CACHD1: variants seen among roughly 807,000 people sequenced by gnomAD.
CACHD1 encodes VWFA and cache domain-containing protein 1.
Under a neutral mutation model 138.7 loss-of-function variants are expected in CACHD1, and 71 were observed. The ratio of observed to expected loss-of-function variants is 0.51; its 90% CI spans 0.42 to 0.62. The LOEUF is 0.62. Among genes scored for constraint, CACHD1 ranks in the 20% least tolerant of loss-of-function variants. The pLI is 0.00. For missense variants in CACHD1, 1,389 were observed against 1,625.3 expected (o/e 0.85, Z 2.50); for synonymous variants, 578 against 591.5 (o/e 0.98, Z 0.33).
At chr1:64,471,539 G>C (rs1646144582) in intron 1 of CACHD1, among the ~76,000 whole-genome samples, 1 of 151,756 alleles carries the variant, frequency 6.6e-6, no homozygotes, top group Non-Finnish European at 1.5e-5. Context: ...TGGGCTCCGC[G>C]CTCCTTTCCC....
At chr1:64,499,071 G>A (rs190534058) in intron 1 of CACHD1, among the ~76,000 whole-genome samples, 18 of 152,224 alleles carry the variant, frequency 1.2e-4, no homozygotes, top group Admixed American at 7.9e-4. Flanking sequence ...CTGATACAGC[G>A]GCTCCAGCAT....
At chr1:64,611,955 C>T (rs752840607) in intron 4 of CACHD1, among the ~76,000 whole-genome samples, 7 of 152,134 alleles carry the variant, frequency 4.6e-5, no homozygotes, top group African/African-American at 9.7e-5. Context: ...ATGGAGGCCT[C>T]GGGAAACTTG....
chr1:64,588,526 G>A (rs759315444), intron 3 of CACHD1, among the ~76,000 whole-genome samples: 2 of 151,578 alleles, frequency 1.3e-5, no homozygotes, highest in Non-Finnish European at 2.9e-5. Context: ...GATTACAGGT[G>A]CGCCACCACG....
At chr1:64,634,667 G>T (rs1229531773) in intron 7 of CACHD1, among the ~76,000 whole-genome samples, 1 of 152,064 alleles carries the variant, frequency 6.6e-6, no homozygotes, top group Non-Finnish European at 1.5e-5. Flanking sequence ...TTACAAGCAT[G>T]AGTCACCGCG....
At chr1:64,681,384 C>A (rs776518499) in intron 25 of CACHD1, 49 bp downstream of exon 25, 1 of 1,395,662 alleles carries the variant, frequency 7.2e-7, no homozygotes, top group Non-Finnish European at 1.0e-6. Context: ...GGAGGCTAAT[C>A]CAGAATAAAT....
At chr1:64,540,556 A>T (rs544568682) in intron 1 of CACHD1, among the ~76,000 whole-genome samples, 2 of 152,296 alleles carry the variant, frequency 1.3e-5, no homozygotes, top group East Asian at 3.9e-4. Context: ...ACAACAACAA[A>T]AACTCAGTAA....
At position 64,644,598 on chromosome 1, in the gene CACHD1, G is replaced by A. The variant is rs774510439; in HGVS notation, c.1156+2629G>A. On this transcript the variant is annotated intron_variant, in intron 8 of 26. Coordinates refer to ENST00000651257, the MANE Select transcript of CACHD1 (RefSeq NM_020925.4). ...GTAATTCCGTACTTTAGAGTCTCTA[G>A]TTACTTCCATCTCAGCATCTTTTTC... Among the ~76,000 whole-genome samples, 3 of 152,182 alleles carry A rather than the reference G, an allele frequency of 2.0e-5. No individual in the cohort carries two copies. The South Asian group carries it at 6.2e-4, about 32-fold the overall frequency.
intron 4 of CACHD1, among the ~76,000 whole-genome samples, chr1:64,619,503 A>T (rs1447430041): frequency 6.6e-6 from 1 of 152,144 alleles, no homozygotes; most frequent in Non-Finnish European, 1.5e-5. Flanking sequence ...GCATTTTATG[A>T]TATTACTTTG....
chr1:64,473,491 A>T (rs1352094559), intron 1 of CACHD1, among the ~76,000 whole-genome samples: 1 of 151,968 alleles, frequency 6.6e-6, no homozygotes, highest in East Asian at 1.9e-4. Flanking sequence ...GATGGATTTT[A>T]TAGAGGTGGA....
At chr1:64,629,560 C>A in intron 5 of CACHD1, 79 bp downstream of exon 5, 1 of 1,494,806 alleles carries the variant, frequency 6.7e-7, no homozygotes, top group South Asian at 1.3e-5. Context: ...CTCATTTCTA[C>A]TCATGGCTAT....
chr1:64,565,138 T>C lies in CACHD1; in HGVS notation c.261+14482T>C, dbSNP rs564134523. ...TTACCTACTGAAGTATTTTAAAGGC[T>C]CAGACTTGTCCAGGCTGCAGGAATC... On this transcript the variant is annotated intron_variant, in intron 2 of 26. Transcript: ENST00000651257. 2.2e-4 allele frequency among the ~76,000 whole-genome samples: 33 copies of C among 151,204 alleles called. No individual in the cohort carries two copies. In the South Asian group the frequency reaches 3.6e-3, roughly 16 times the overall value.
chr1:64,642,856 A>T (rs10789162), intron 8 of CACHD1, among the ~76,000 whole-genome samples: 147,208 of 150,008 alleles, frequency 0.98, 72,311 homozygotes, highest in East Asian at 1. Context: ...CTGGCCAACA[A>T]TGTGAAACCT....
chr1:64,596,439 G>T (rs1250899694), intron 3 of CACHD1, among the ~76,000 whole-genome samples: 2 of 152,210 alleles, frequency 1.3e-5, no homozygotes, highest in African/African-American at 2.4e-5. Context: ...GACCCTGTTA[G>T]GCTGTTACTA....
intron 1 of CACHD1, among the ~76,000 whole-genome samples, chr1:64,526,244 CAG>C (rs1646537571): frequency 6.6e-6 from 1 of 152,108 alleles, no homozygotes; most frequent in East Asian, 1.9e-4. Context: ...TCCTGAGCCA[CAG>C]TTAAGGTGCA....
intron 4 of CACHD1, among the ~76,000 whole-genome samples, chr1:64,609,030 G>A (rs1343227015): frequency 6.6e-6 from 1 of 152,172 alleles, no homozygotes; most frequent in South Asian, 2.1e-4. Flanking sequence ...GGGATTCACG[G>A]GGTGTAAGGG....
chr1:64,578,343 A>G (rs11208471), intron 2 of CACHD1, among the ~76,000 whole-genome samples: 3 of 152,214 alleles, frequency 2.0e-5, no homozygotes, highest in Admixed American at 6.5e-5. Context: ...ATCTCTTTGC[A>G]ACAGATTTAC....
Position 64,474,920 on chromosome 1 carries a change from G to A in CACHD1, c.198+3978G>A, listed in dbSNP as rs375256999. Among the ~76,000 whole-genome samples the A allele has an allele frequency of 5.3e-5, 8 of 152,356 alleles. No individual in the cohort carries two copies. The East Asian group carries it at 1.4e-3, about 26-fold the overall frequency. On this transcript the variant is annotated intron_variant, in intron 1 of 26. Transcript: ENST00000651257. ...GTTGGTCAGACAGCTGCTGGATGAGGCCTGGGAGGGAGGGAGGAGCAGGGT... is the reference window on the plus strand; with the variant it reads ...GTTGGTCAGACAGCTGCTGGATGAGACCTGGGAGGGAGGGAGGAGCAGGGT...
At chr1:64,671,488 G>A in intron 16 of CACHD1, 76 bp from the exon 17 acceptor site, 1 of 1,499,542 alleles carries the variant, frequency 6.7e-7, no homozygotes, top group Non-Finnish European at 9.3e-7. Context: ...ACCAAACAAT[G>A]TCCCTGTGAC....
intron 2 of CACHD1, among the ~76,000 whole-genome samples, chr1:64,554,771 A>G (rs1646784068): frequency 6.6e-6 from 1 of 152,178 alleles, no homozygotes; most frequent in South Asian, 2.1e-4. Flanking sequence ...ACTTTCTGAG[A>G]TGATGATGTT....
Sources: allele counts gnomAD v4.1 joint callset (sites outside exome capture counted in the v4.1 genomes callset), GRCh38; gene constraint gnomAD v4.1.1; transcripts MANE v1.5; gene names NCBI Gene and HGNC (gene_info 2026-07-23, HGNC 2026-07-21).